The following CDH2 variants were observed in gnomAD, a reference collection of about 807,000 sequenced individuals.
CDH2 encodes the protein cadherin-2.
A neutral mutation model predicts 92.0 loss-of-function variants in CDH2; 17 were observed. The observed-to-expected ratio is 0.18, with a 90% CI of 0.13 to 0.28. The LOEUF (loss-of-function observed/expected upper bound fraction) is 0.28, where lower values mean the gene tolerates loss of function less well. Ranked by LOEUF, CDH2 falls within the 10% of genes least tolerant of loss-of-function variation. CDH2 has a pLI of 1.00. For missense variants in CDH2, 862 were observed against 1,133.1 expected (o/e 0.76, Z 3.44); for synonymous variants, 419 against 415.9 (o/e 1.01, Z -0.09).
chr18:27,986,659 C>T (rs1035765635), intron 11 of CDH2, among the ~76,000 whole-genome samples: 3 of 152,072 alleles, frequency 2.0e-5, no homozygotes, highest in Admixed American at 2.0e-4. Context: ...AAAGGTCATG[C>T]AACTAGGAAG....
At chr18:28,141,157 C>T (rs937537412) in intron 2 of CDH2, among the ~76,000 whole-genome samples, 2 of 151,574 alleles carry the variant, frequency 1.3e-5, no homozygotes, top group African/African-American at 2.4e-5. Context: ...ATATACAATC[C>T]CTCAATTCTA....
intron 2 of CDH2, among the ~76,000 whole-genome samples, chr18:28,020,470 T>C (rs1053479386): frequency 1.3e-5 from 2 of 151,982 alleles, no homozygotes; most frequent in African/African-American, 2.4e-5. Context: ...ATAAGGCTAA[T>C]ATCATGGACA....
chr18:27,938,053 G>T lies in CDH2; in HGVS notation c.1152-4929C>A, dbSNP rs1031172785. ...ATGGCTTAACATCACCTCCCTTTTTGCTGTCCTCGCGATAGTGAGTTCTTG... is the reference window on the plus strand; with the variant it reads ...ATGGCTTAACATCACCTCCCTTTTTTCTGTCCTCGCGATAGTGAGTTCTTG... On this transcript the variant is annotated intron_variant, in intron 6 of 6. Transcript: ENST00000675173. 2.0e-5 allele frequency among the ~76,000 whole-genome samples: 3 copies of T among 151,886 alleles called. No individual in the cohort carries two copies. In the East Asian group the frequency reaches 5.8e-4, roughly 29 times the overall value.
At chr18:28,114,267 G>C (rs1406992076) in intron 2 of CDH2, among the ~76,000 whole-genome samples, 1 of 152,022 alleles carries the variant, frequency 6.6e-6, no homozygotes, top group African/African-American at 2.4e-5. Context: ...ACTTTGATCT[G>C]ATCAATATAC....
intron 2 of CDH2, among the ~76,000 whole-genome samples, chr18:28,053,945 A>C (rs908466884): frequency 6.6e-6 from 1 of 152,002 alleles, no homozygotes; most frequent in South Asian, 2.1e-4. Flanking sequence ...CTCTTTTTGC[A>C]TCGAGCCCCT....
chr18:28,131,098 A>C (rs2015761510), intron 2 of CDH2, among the ~76,000 whole-genome samples: 3 of 152,204 alleles, frequency 2.0e-5, no homozygotes, highest in Admixed American at 2.0e-4. Flanking sequence ...TAAATACCAC[A>C]TAATTTGTTC....
At chr18:28,082,237 GTCTCT>G (rs1293020772) in intron 2 of CDH2, among the ~76,000 whole-genome samples, 5 of 147,290 alleles carry the variant, frequency 3.4e-5, no homozygotes, top group Non-Finnish European at 7.5e-5. Flanking sequence ...GGAGACTCTT[GTCTCT>G]AAAAAAAAAA....
At chr18:28,018,923 T>G (rs1406992972) in intron 2 of CDH2, among the ~76,000 whole-genome samples, 1 of 150,208 alleles carries the variant, frequency 6.7e-6, no homozygotes, top group Non-Finnish European at 1.5e-5. Flanking sequence ...ATATATATAT[T>G]TATTTATATA....
intron 6 of CDH2, among the ~76,000 whole-genome samples, chr18:27,934,484 T>C (rs920233792): frequency 1.3e-5 from 2 of 152,208 alleles, no homozygotes; most frequent in Non-Finnish European, 1.5e-5. Flanking sequence ...CAGAGAACTT[T>C]TTCTATTTTA....
chr18:28,144,036 T>C (rs2015996121), intron 2 of CDH2, among the ~76,000 whole-genome samples: 1 of 151,814 alleles, frequency 6.6e-6, no homozygotes, highest in African/African-American at 2.4e-5. Flanking sequence ...TTAGGACAAA[T>C]ACCTTATGCA....
At chr18:27,992,269 A>AT (rs1371271954) in intron 9 of CDH2, among the ~76,000 whole-genome samples, 2 of 152,174 alleles carry the variant, frequency 1.3e-5, no homozygotes, top group Admixed American at 1.3e-4. Flanking sequence ...AATGTGATAT[A>AT]TCATGAATAT....
At chr18:28,117,880 T>C (rs975835243) in intron 2 of CDH2, among the ~76,000 whole-genome samples, 1 of 152,090 alleles carries the variant, frequency 6.6e-6, no homozygotes, top group African/African-American at 2.4e-5. Context: ...ACTATTACTC[T>C]TTCTAGTATG....
Position 28,013,923 on chromosome 18 carries a change from G to A in CDH2, c.173-14C>T, listed in dbSNP as rs2013169914. 3 of 1,585,186 alleles carry A rather than the reference G, an allele frequency of 1.9e-6. No homozygotes were observed. Among genetic ancestry groups the A allele is most frequent in the Non-Finnish European group, 2.6e-6 (3 of 1,159,666 alleles). On this transcript the variant is annotated splice_polypyrimidine_tract_variant and intron_variant, in intron 2 of 15. Coordinates refer to ENST00000269141, the MANE Select transcript of CDH2 (RefSeq NM_001792.5). ...TGCTAAACTTCACTGTAAAAGATAA[G>A]AAATAGGTCAGTTATTATAATTATA...
chr18:28,043,479 TATATATATATATATAA>T (rs796180922), intron 2 of CDH2, among the ~76,000 whole-genome samples: 3,143 of 107,990 alleles, frequency 0.029, 145 homozygotes, highest in African/African-American at 0.13. Context: ...TATATATATA[TATATATATATATATAA>T]ATATATATAT....
chr18:28,010,158 A>G (rs2013054492), intron 4 of CDH2, among the ~76,000 whole-genome samples: 1 of 152,222 alleles, frequency 6.6e-6, no homozygotes, highest in East Asian at 1.9e-4. Context: ...GAGTTTTTAA[A>G]CAATCAAACT....
At chr18:27,967,228 T>C (rs2011552846) in intron 14 of CDH2, among the ~76,000 whole-genome samples, 1 of 152,186 alleles carries the variant, frequency 6.6e-6, no homozygotes, top group South Asian at 2.1e-4. Context: ...AATCTGATGA[T>C]GGCAGGCAGC....
At chr18:28,101,166 T>C (rs546351886) in intron 2 of CDH2, among the ~76,000 whole-genome samples, 1 of 152,166 alleles carries the variant, frequency 6.6e-6, no homozygotes, top group Non-Finnish European at 1.5e-5. Context: ...CTAGAATTGA[T>C]GTTAATGGCT....
At chr18:28,075,846 G>A (rs2014708228) in intron 2 of CDH2, among the ~76,000 whole-genome samples, 1 of 152,054 alleles carries the variant, frequency 6.6e-6, no homozygotes, top group South Asian at 2.1e-4. Context: ...TTTCTCATAC[G>A]GTACTCTGGT....
intron 2 of CDH2, among the ~76,000 whole-genome samples, chr18:28,103,888 TA>T (rs576905898): frequency 4.5e-4 from 69 of 152,130 alleles, no homozygotes; most frequent in Non-Finnish European, 5.9e-4. Flanking sequence ...TATATACACA[TA>T]AAAAAAATCA....
Sources: allele counts gnomAD v4.1 joint callset (sites outside exome capture counted in the v4.1 genomes callset), GRCh38; gene constraint gnomAD v4.1.1; transcripts MANE v1.5; gene names NCBI Gene and HGNC (gene_info 2026-07-23, HGNC 2026-07-21).